The following EMC1 variants were observed in gnomAD, a reference collection of about 807,000 sequenced individuals.
The protein encoded by EMC1 is ER membrane protein complex subunit 1.
In EMC1, 103 loss-of-function variants were observed where a neutral mutation model predicts 128.8. That is an observed-to-expected ratio of 0.80 (90% CI 0.68 to 0.94). EMC1 has a LOEUF of 0.94. Among genes scored for constraint, EMC1 ranks in the 40% least tolerant of loss-of-function variants. The pLI, the probability that EMC1 is intolerant of heterozygous loss-of-function variation, is 0.00. For missense variants in EMC1, 1,083 were observed against 1,250.6 expected, an observed-to-expected ratio of 0.87 and a Z score of 2.02; for synonymous variants, 442 against 490.4, an observed-to-expected ratio of 0.90 and a Z score of 1.30.
intron 12 of EMC1, among the ~76,000 whole-genome samples, chr1:19,235,759 G>A (rs1224128150): frequency 3.9e-5 from 6 of 151,988 alleles, no homozygotes; most frequent in Non-Finnish European, 7.4e-5. Context: ...CAAGCATGGT[G>A]GCGAGCGCCT....
At chr1:19,234,661 C>T (rs1243769171) in intron 13 of EMC1, among the ~76,000 whole-genome samples, 2 of 152,122 alleles carry the variant, frequency 1.3e-5, no homozygotes, top group East Asian at 1.9e-4. Context: ...GCCTGACCAA[C>T]ATGCTGAAAC....
intron 17 of EMC1, chr1:19,229,343 A>C (rs747726824): frequency 6.6e-6 from 1 of 152,248 alleles, no homozygotes. Context: ...CTTTGAAAAC[A>C]TAAGAACTCA....
intron 13 of EMC1, 124 bp downstream of exon 13, chr1:19,235,006 T>C (rs2093552449): frequency 1.8e-6 from 2 of 1,137,178 alleles, no homozygotes; most frequent in East Asian, 5.1e-5. Flanking sequence ...ACAGAGCTCA[T>C]TCAGAAAAGA....
In EMC1 at chr1:19,242,325, C is replaced by T. The variant is rs768733174; in HGVS notation, c.509+20G>A. ...GAGAGTAGAACGAGGCAGCTATTGC[C>T]TGTGAGCAGGCAGCCTTACCTTTCT... On this transcript the variant is annotated intron_variant, in intron 5 of 22. Transcript: ENST00000477853. 67 of 1,614,092 alleles carry T rather than the reference C, an allele frequency of 4.2e-5. No homozygotes were observed. The highest frequency in any genetic ancestry group is 5.3e-5 in the Non-Finnish European group (63 of 1,179,960).
chr1:19,243,404 C>G (rs776397627), intron 4 of EMC1, among the ~76,000 whole-genome samples: 3 of 152,150 alleles, frequency 2.0e-5, no homozygotes, highest in Non-Finnish European at 4.4e-5. Context: ...CAAGCACAAG[C>G]GCAAACATTG....
At chr1:19,242,889 C>G (rs1168324835) in intron 4 of EMC1, among the ~76,000 whole-genome samples, 2 of 152,188 alleles carry the variant, frequency 1.3e-5, no homozygotes, top group African/African-American at 4.8e-5. Context: ...ACGTGTTTAC[C>G]AAATGAATTA....
At position 19,239,322 on chromosome 1, in the gene EMC1, T is replaced by C; in HGVS notation, c.955-20A>G. 6.2e-7 allele frequency: 1 copy of C among 1,612,182 alleles called. No homozygotes were observed. On this transcript the variant is annotated intron_variant, in intron 8 of 22. Coordinates refer to ENST00000477853, the MANE Select transcript of EMC1 (RefSeq NM_015047.3). Reference sequence around the variant, plus strand: ...GGCAGTCTGGGGGAAAAGCAAGGCATCAGCTCCTAAATGGGACCAGTACTA... The same window carrying C: ...GGCAGTCTGGGGGAAAAGCAAGGCACCAGCTCCTAAATGGGACCAGTACTA...
Position 19,239,868 on chromosome 1 carries a change from G to T in EMC1, c.904C>A (p.Leu302Met). 2 of 1,614,170 alleles carry T rather than the reference G, an allele frequency of 1.2e-6. No individual in the cohort carries two copies. The highest frequency in any genetic ancestry group is 1.7e-6 in the Non-Finnish European group (2 of 1,180,010). Residue 302 changes from leucine to methionine, a missense_variant, in exon 8 of 23, where the codon CTG becomes ATG. This residue lies in a region of EMC1 where 544 missense variants were observed against 572.4 expected (regional missense o/e 0.95). Transcript: ENST00000477853. ...AGCGTTCCATAATGGTACTGCAGCAGAGCATAGTGGCTTGGGGACAAGTGC... is the reference window on the plus strand; with the variant it reads ...AGCGTTCCATAATGGTACTGCAGCATAGCATAGTGGCTTGGGGACAAGTGC... ...FLHLSPSHYA[L>M]LQYHYGTLSL...
intron 11 of EMC1, among the ~76,000 whole-genome samples, 198 bp from the exon 12 acceptor site, chr1:19,237,436 C>T (rs1215764938): frequency 6.6e-6 from 1 of 152,158 alleles, no homozygotes. Flanking sequence ...GCTGGGGTCT[C>T]CCAGACCTTT....
chr1:19,239,773 G>A (rs1455336420), intron 8 of EMC1, 45 bp downstream of exon 8: 2 of 1,594,194 alleles, frequency 1.3e-6, no homozygotes, highest in Admixed American at 3.4e-5. Flanking sequence ...TCCATGTCTT[G>A]GAGAGATCTC....
chr1:19,219,904 A>G (rs1571965915), intron 21 of EMC1: 1 of 564,912 alleles, frequency 1.8e-6, no homozygotes, highest in East Asian at 2.9e-5. Context: ...AGTAAGACTG[A>G]GATCTAGATT....
intron 1 of EMC1, among the ~76,000 whole-genome samples, chr1:19,248,697 C>T (rs958109916): frequency 6.6e-6 from 1 of 152,026 alleles, no homozygotes; most frequent in Non-Finnish European, 1.5e-5. Context: ...GGATTATAGG[C>T]GTGAGCCACC....
intron 20 of EMC1, 110 bp from the exon 21 acceptor site, chr1:19,220,958 G>C (rs34704132): frequency 1.1e-5 from 8 of 698,292 alleles, no homozygotes; most frequent in Non-Finnish European, 2.0e-5. Flanking sequence ...AAAAAAATGG[G>C]TCAATGAGGC....
At chr1:19,229,715 C>T (rs770492099) in intron 17 of EMC1, among the ~76,000 whole-genome samples, 4 of 152,174 alleles carry the variant, frequency 2.6e-5, no homozygotes, top group Non-Finnish European at 4.4e-5. Context: ...CACAAAAGGG[C>T]GCTGCATTTT....
At chr1:19,236,988 AAAAG>A (rs1352675133) in intron 12 of EMC1, among the ~76,000 whole-genome samples, 150 bp downstream of exon 12, 1 of 151,722 alleles carries the variant, frequency 6.6e-6, no homozygotes, top group Non-Finnish European at 1.5e-5. Context: ...AAAAAAAAAA[AAAAG>A]CAGGTGACAT....
chr1:19,250,180 A>G (rs1218475644), intron 1 of EMC1, among the ~76,000 whole-genome samples: 2 of 134,250 alleles, frequency 1.5e-5, no homozygotes, highest in Admixed American at 1.7e-4. Flanking sequence ...AGATCGCGCC[A>G]TTACACTCCA....
chr1:19,233,322 G>C (rs552430455), intron 13 of EMC1, among the ~76,000 whole-genome samples, 187 bp from the exon 14 acceptor site: 1 of 152,310 alleles, frequency 6.6e-6, no homozygotes, highest in African/African-American at 2.4e-5. Flanking sequence ...GCTCATGCAG[G>C]AGCTTCCAAA....
intron 13 of EMC1, 85 bp from the exon 14 acceptor site, chr1:19,233,220 C>T: frequency 8.3e-7 from 1 of 1,208,234 alleles, no homozygotes; most frequent in Non-Finnish European, 1.2e-6. Flanking sequence ...GGGATCTCTG[C>T]CTCTCCTCTG....
chr1:19,228,050 G>A (rs2093489990), intron 17 of EMC1, among the ~76,000 whole-genome samples: 1 of 151,832 alleles, frequency 6.6e-6, no homozygotes, highest in Admixed American at 6.6e-5. Context: ...TACTAAAAAT[G>A]CAAAATTAGC....
Sources: gnomAD v4.1 joint callset for allele counts (sites outside exome capture counted in the v4.1 genomes callset) on GRCh38, gnomAD v4.1.1 for gene constraint, gnomAD v4.1.1 regional missense constraint, MANE v1.5 for transcripts, NCBI Gene and HGNC (gene_info 2026-07-23, HGNC 2026-07-21) for gene names.